The following BCAS3 variants were observed in gnomAD, a reference collection of about 807,000 sequenced individuals.
BCAS3 encodes the protein BCAS4/BCAS3 fusion.
Under a neutral mutation model 116.1 loss-of-function variants are expected in BCAS3, and 53 were observed. That is an observed-to-expected ratio of 0.46 (90% CI 0.37 to 0.57). The LOEUF (loss-of-function observed/expected upper bound fraction) is 0.57, where lower values mean the gene tolerates loss of function less well. Ranked by LOEUF, BCAS3 falls within the 20% of genes least tolerant of loss-of-function variation. BCAS3 has a pLI of 0.00. For synonymous variants in BCAS3, 391 were observed against 408.2 expected, an observed-to-expected ratio of 0.96 and a Z score of 0.51; for missense variants, 917 against 1,165.4, an observed-to-expected ratio of 0.79 and a Z score of 3.10.
At chr17:60,827,027 A>G (rs934198584) in intron 7 of BCAS3, among the ~76,000 whole-genome samples, 1 of 152,192 alleles carries the variant, frequency 6.6e-6, no homozygotes, top group African/African-American at 2.4e-5. Context: ...CATAATATTT[A>G]TTGATATTCC....
intron 7 of BCAS3, chr17:60,810,613 A>T: frequency 1.4e-6 from 1 of 707,240 alleles, no homozygotes; most frequent in South Asian, 1.4e-5. Context: ...CAGTGCCTGC[A>T]TCGTTCTGCA....
At chr17:61,298,676 G>T in intron 22 of BCAS3, among the ~76,000 whole-genome samples, 1 of 152,076 alleles carries the variant, frequency 6.6e-6, no homozygotes, top group Non-Finnish European at 1.5e-5. Context: ...CAAAGGGGAC[G>T]TCCCACACCC....
At chr17:60,980,127 G>T (rs1014479952) in intron 14 of BCAS3, among the ~76,000 whole-genome samples, 9 of 152,100 alleles carry the variant, frequency 5.9e-5, no homozygotes, top group South Asian at 2.1e-4. Context: ...ATCTGGTCCT[G>T]GACTCTTTTT....
rs1452057500 is a variant in BCAS3 at position 61,208,543 on chromosome 17, A to T, written c.2425+123979A>T. On this transcript the variant is annotated intron_variant, in intron 22 of 23. Coordinates refer to ENST00000407086, the MANE Select transcript of BCAS3 (RefSeq NM_017679.5). The surrounding 1 kb of genome is among the most constrained non-coding windows in gnomAD (Gnocchi z 4.5). ...CTCATTAGCTCAGCTTAATTTGAGG[A>T]TGTTCTGAAAAGAGAGAGGGAGAAA... Among the ~76,000 whole-genome samples the T allele has an allele frequency of 6.6e-6, 1 of 152,158 alleles. No individual in the cohort carries two copies. Among genetic ancestry groups the T allele is most frequent in the Non-Finnish European group, 1.5e-5 (1 of 68,032 alleles).
intron 7 of BCAS3, among the ~76,000 whole-genome samples, chr17:60,833,911 T>A (rs891688394): frequency 6.6e-6 from 1 of 152,176 alleles, no homozygotes; most frequent in Non-Finnish European, 1.5e-5. Flanking sequence ...AAGTAATCTG[T>A]CAAAACGTGA....
At chr17:61,061,907 G>T (rs1457390143) in intron 19 of BCAS3, among the ~76,000 whole-genome samples, 3 of 152,152 alleles carry the variant, frequency 2.0e-5, no homozygotes, top group Non-Finnish European at 4.4e-5. Context: ...TAAATACAGA[G>T]ATAATGATAA....
intron 7 of BCAS3, among the ~76,000 whole-genome samples, chr17:60,820,114 A>G (rs2144676952): frequency 6.7e-6 from 1 of 149,668 alleles, no homozygotes; most frequent in Middle Eastern, 3.4e-3. Flanking sequence ...TCTGTTGCCC[A>G]GGCTGGAGTG....
intron 5 of BCAS3, among the ~76,000 whole-genome samples, chr17:60,714,795 G>C (rs1224595840): frequency 6.6e-6 from 1 of 152,134 alleles, no homozygotes; most frequent in Non-Finnish European, 1.5e-5. Flanking sequence ...ATTAGAGTCA[G>C]CTCAAAAGCA....
intron 6 of BCAS3, among the ~76,000 whole-genome samples, chr17:60,786,669 A>AT (rs1293821643): frequency 6.6e-6 from 1 of 151,938 alleles, no homozygotes; most frequent in Non-Finnish European, 1.5e-5. Context: ...ATGAACGTTA[A>AT]TTGACTTTGG....
chr17:61,240,104 T>TCAA (rs1236350037), intron 22 of BCAS3, among the ~76,000 whole-genome samples: 1 of 148,764 alleles, frequency 6.7e-6, no homozygotes, highest in African/African-American at 2.5e-5. Flanking sequence ...CCATGCTGTC[T>TCAA]CAACAGCAGC....
chr17:61,078,617 C>G, intron 21 of BCAS3, 88 bp downstream of exon 21: 2 of 1,161,160 alleles, frequency 1.7e-6, no homozygotes, highest in Non-Finnish European at 2.4e-6. Flanking sequence ...TTAGGTTTCC[C>G]CTTTTGGCAC....
At chr17:60,868,445 A>T in intron 7 of BCAS3, 131 bp from the exon 8 acceptor site, 1 of 516,106 alleles carries the variant, frequency 1.9e-6, no homozygotes. Flanking sequence ...CATTTTTGGG[A>T]TAAGTTTTGA....
At chr17:61,371,540 G>T (rs2059042532) in intron 23 of BCAS3, among the ~76,000 whole-genome samples, 1 of 152,136 alleles carries the variant, frequency 6.6e-6, no homozygotes, top group African/African-American at 2.4e-5. Context: ...TAATAACAAT[G>T]TATTCTTGAA....
intron 6 of BCAS3, among the ~76,000 whole-genome samples, chr17:60,806,171 C>T (rs1227695166): frequency 5.9e-5 from 9 of 152,022 alleles, no homozygotes; most frequent in Non-Finnish European, 1.2e-4. Context: ...CCACTGTGCC[C>T]GGCTTCGGCC....
rs752723828 is a variant in BCAS3, at chr17:60,910,557, T to G, written c.848T>G (p.Val283Gly). 1 of 1,607,426 alleles carries G rather than the reference T, an allele frequency of 6.2e-7. No homozygotes were observed. Among genetic ancestry groups the G allele is most frequent in the Non-Finnish European group, 8.5e-7 (1 of 1,177,126 alleles). ...AKTLKSGLTM[V>G]GKVVTQLTGT... is the part of the protein sequence containing the mutation. ...ACATTGAAAAGTGGCCTGACAATGGTAGGGAAAGTGGTGACTCAGCTGACA... is the reference window on the plus strand; with the variant it reads ...ACATTGAAAAGTGGCCTGACAATGGGAGGGAAAGTGGTGACTCAGCTGACA... Residue 283 changes from valine to glycine, a missense_variant, in exon 12 of 24, where the codon GTA (valine) becomes GGA (glycine). Transcript: ENST00000407086.
At position 61,037,907 on chromosome 17, in the gene BCAS3, T is replaced by C; in HGVS notation, c.1781T>C (p.Val594Ala). The C allele has an allele frequency of 1.2e-6, 2 of 1,614,056 alleles. No homozygotes were observed. Among genetic ancestry groups the C allele is most frequent in the South Asian group, 2.2e-5 (2 of 91,058 alleles). ...KREKDQSKQV[V>A]VESLYIISCY... Reference sequence around the variant, plus strand: ...TTTGTAGATCAGTCCAAACAAGTTGTAGTTGAGTCCCTGTACATTATCAGT... The same window carrying C: ...TTTGTAGATCAGTCCAAACAAGTTGCAGTTGAGTCCCTGTACATTATCAGT... The change falls in exon 18 of 24, where the codon GTA becomes GCA. Residue 594 changes from valine to alanine, a missense_variant. By Grantham distance (64) the Val-to-Ala change is moderately conservative. This residue lies in a region of BCAS3 where 807 missense variants were observed against 1,026.0 expected (regional missense o/e 0.79). Coordinates refer to ENST00000407086, the MANE Select transcript of BCAS3 (RefSeq NM_017679.5). The surrounding 1 kb of genome is among the most constrained non-coding windows in gnomAD (Gnocchi z 4.7).
At chr17:61,143,977 G>T (rs1170771169) in intron 22 of BCAS3, among the ~76,000 whole-genome samples, 4 of 151,966 alleles carry the variant, frequency 2.6e-5, no homozygotes, top group East Asian at 1.9e-4. Flanking sequence ...AAATCAGAAA[G>T]AATTTTTTTT....
In BCAS3 at chr17:61,199,919, T is replaced by C. The variant is rs1298019701; in HGVS notation, c.2425+115355T>C. Among the ~76,000 whole-genome samples the C allele has an allele frequency of 6.6e-6, 1 of 152,220 alleles. No individual in the cohort carries two copies. Among genetic ancestry groups the C allele is most frequent in the African/African-American group, 2.4e-5 (1 of 41,446 alleles). ...ACCTTACGGGTTATAGGTCTCTTGC[T>C]TTTTGATCTTTCTTGGTTCTTTAGT... On this transcript the variant is annotated intron_variant, in intron 22 of 23. Transcript: ENST00000407086. The surrounding 1 kb of genome is among the most constrained non-coding windows in gnomAD (Gnocchi z 4.6).
At chr17:61,025,245 A>G (rs374257084) in intron 16 of BCAS3, among the ~76,000 whole-genome samples, 4 of 152,186 alleles carry the variant, frequency 2.6e-5, no homozygotes, top group African/African-American at 9.6e-5. Flanking sequence ...TTTTGAGGTA[A>G]TTAGTCATGA....
Sources: gnomAD v4.1 joint callset for allele counts (sites outside exome capture counted in the v4.1 genomes callset) on GRCh38, gnomAD v4.1.1 for gene constraint, gnomAD v4.1.1 regional missense constraint, Gnocchi (gnomAD v3.1) non-coding constraint, MANE v1.5 for transcripts, NCBI Gene and HGNC (gene_info 2026-07-23, HGNC 2026-07-21) for gene names.